VPS13A: variants seen among roughly 807,000 people sequenced by gnomAD.
VPS13A encodes the protein intermembrane lipid transfer protein VPS13A.
VPS13A carries 264 observed loss-of-function variants against 390.9 expected under a neutral mutation model. The ratio of observed to expected loss-of-function variants is 0.68; its 90% CI spans 0.61 to 0.75. VPS13A has a LOEUF of 0.75. Among genes scored for constraint, VPS13A ranks in the 30% least tolerant of loss-of-function variants. The probability of loss-of-function intolerance (pLI) is 0.00; values close to 1 mark genes in which losing one functional copy is unlikely to be tolerated. For synonymous variants in VPS13A, 1,231 were observed against 1,227.1 expected (o/e 1.00, Z -0.07); for missense variants, 3,409 against 3,733.9 (o/e 0.91, Z 2.27).
At chr9:77,373,788 A>C (rs1832922753) in intron 67 of VPS13A, among the ~76,000 whole-genome samples, 2 of 151,820 alleles carry the variant, frequency 1.3e-5, no homozygotes, top group South Asian at 4.2e-4. Context: ...ACAAATTTAC[A>C]AGAAAAAAAC....
chr9:77,283,781 C>A (rs558272269), intron 31 of VPS13A, 131 bp downstream of exon 31: 6 of 727,558 alleles, frequency 8.2e-6, no homozygotes, highest in Non-Finnish European at 1.3e-5. Context: ...GTTTTGGAGT[C>A]AGGCATAATT....
At chr9:77,297,892 T>G (rs190191577) in intron 33 of VPS13A, among the ~76,000 whole-genome samples, 5 of 152,274 alleles carry the variant, frequency 3.3e-5, no homozygotes, top group Admixed American at 3.3e-4. Flanking sequence ...AAGGATAATT[T>G]GGTAACTATT....
chr9:77,336,374 GA>G (rs1211314966), intron 46 of VPS13A, among the ~76,000 whole-genome samples: 9 of 147,524 alleles, frequency 6.1e-5, no homozygotes, highest in African/African-American at 2.0e-4. Flanking sequence ...CACTAAAGCA[GA>G]AAAAAAAATA....
intron 68 of VPS13A, among the ~76,000 whole-genome samples, chr9:77,385,812 TCTC>T (rs896471896): frequency 2.6e-5 from 4 of 152,110 alleles, no homozygotes; most frequent in African/African-American, 9.6e-5. Context: ...GATTTCTGAG[TCTC>T]CTCTAATTCT....
In VPS13A at chr9:77,275,803, GC is replaced by G. The variant is rs1363406096; in HGVS notation, c.2667+159del. On this transcript the variant is annotated intron_variant, in intron 25 of 71. Transcript: ENST00000360280. The stretch of plus-strand genomic sequence containing the variant: ...GCTGTGTGATTCTTGGTCACTCCCC[GC>G]CCCCCCCTTTTTTTTTTAAATAAGA... The G allele has an allele frequency of 2.7e-3, 2,484 of 907,920 alleles. 1 individual carries two copies. Among genetic ancestry groups the G allele is most frequent in the Middle Eastern group, 5.1e-3 (14 of 2,758 alleles). The allele number at this position is 907,920 out of a possible 1,614,324, so 56.2% of individuals were successfully genotyped here.
chr9:77,293,157 A>AC, intron 31 of VPS13A, among the ~76,000 whole-genome samples, 184 bp from the exon 32 acceptor site: 1 of 152,248 alleles, frequency 6.6e-6, no homozygotes, highest in South Asian at 2.1e-4. Flanking sequence ...ACCAATTTGT[A>AC]AAAGTTTGTA....
chr9:77,187,608 TACACACAC>T (rs34649735), intron 1 of VPS13A, among the ~76,000 whole-genome samples: 3 of 148,016 alleles, frequency 2.0e-5, no homozygotes, highest in South Asian at 2.2e-4. Context: ...CATACAAACA[TACACACAC>T]ACACACACAC....
At chr9:77,413,768 C>G (rs1288046097) in intron 71 of VPS13A, among the ~76,000 whole-genome samples, 6 of 152,170 alleles carry the variant, frequency 3.9e-5, no homozygotes. Context: ...AAGAGAGCTT[C>G]TGCACAGCAA....
intron 67 of VPS13A, among the ~76,000 whole-genome samples, chr9:77,373,375 A>G (rs1587682781): frequency 7.1e-6 from 1 of 140,970 alleles, no homozygotes. Flanking sequence ...GACAAAAACA[A>G]GCAATGGGGA....
intron 32 of VPS13A, among the ~76,000 whole-genome samples, chr9:77,295,201 A>G (rs567125340): frequency 1.3e-5 from 2 of 152,234 alleles, no homozygotes; most frequent in African/African-American, 4.8e-5. Context: ...CCTTACAAAT[A>G]TAAATAAGCT....
rs568920713 is a variant in VPS13A at position 77,359,311 on chromosome 9, A to AT, written c.8036-20dup. 1,069 of 1,606,970 alleles carry AT rather than the reference A, an allele frequency of 6.7e-4. 3 individuals carry two copies. Among genetic ancestry groups the AT allele is most frequent in the Admixed American group, 2.9e-3 (176 of 59,996 alleles). On this transcript the variant is annotated intron_variant, in intron 57 of 71. Transcript: ENST00000360280. ...TTTTGCTTAAAGCATCATGGGAGTA[A>AT]TTATATTTATAACCTTTACAGCACC...
chr9:77,253,982 G>A (rs866597752), intron 22 of VPS13A, among the ~76,000 whole-genome samples: 17 of 114,560 alleles, frequency 1.5e-4, no homozygotes, highest in African/African-American at 4.7e-4. Flanking sequence ...TCTCGCTGTC[G>A]CCCAGGCTGG....
At chr9:77,214,104 T>C (rs1434236549) in intron 9 of VPS13A, among the ~76,000 whole-genome samples, 2 of 151,858 alleles carry the variant, frequency 1.3e-5, no homozygotes, top group East Asian at 1.9e-4. Context: ...GTTAAAACCC[T>C]GTCTCTACTA....
intron 71 of VPS13A, among the ~76,000 whole-genome samples, chr9:77,410,208 G>A (rs1343575003): frequency 6.6e-6 from 1 of 152,118 alleles, no homozygotes; most frequent in African/African-American, 2.4e-5. Context: ...CTCCATAAGT[G>A]AAGGAGAAAT....
At chr9:77,244,128 C>T (rs1003939755) in intron 19 of VPS13A, among the ~76,000 whole-genome samples, 3 of 152,062 alleles carry the variant, frequency 2.0e-5, no homozygotes, top group Non-Finnish European at 2.9e-5. Flanking sequence ...GTCCCAGCTA[C>T]TTGGCAGGCT....
At chr9:77,391,278 G>C (rs1032146473) in intron 68 of VPS13A, among the ~76,000 whole-genome samples, 1 of 152,136 alleles carries the variant, frequency 6.6e-6, no homozygotes, top group Non-Finnish European at 1.5e-5. Context: ...GTGTGTGTAC[G>C]TGCATGCTGT....
At chr9:77,215,967 G>T (rs1822839426) in intron 10 of VPS13A, among the ~76,000 whole-genome samples, 1 of 152,172 alleles carries the variant, frequency 6.6e-6, no homozygotes, top group South Asian at 2.1e-4. Flanking sequence ...ACTGCATAAG[G>T]CCGGTGCTGA....
intron 68 of VPS13A, chr9:77,384,889 A>G: frequency 7.1e-7 from 1 of 1,404,188 alleles, no homozygotes; most frequent in Non-Finnish European, 9.2e-7. Flanking sequence ...GAGGGCATCC[A>G]ACATATTATA....
chr9:77,248,378 G>A (rs1824951338), intron 20 of VPS13A, among the ~76,000 whole-genome samples: 1 of 151,788 alleles, frequency 6.6e-6, no homozygotes, highest in Admixed American at 6.6e-5. Flanking sequence ...ACCACGCCCG[G>A]CTAATTTTTT....
Sources: allele counts gnomAD v4.1 joint callset (sites outside exome capture counted in the v4.1 genomes callset), GRCh38; gene constraint gnomAD v4.1.1; transcripts MANE v1.5; gene names NCBI Gene and HGNC (gene_info 2026-07-23, HGNC 2026-07-21).